DNAH6: variants seen among roughly 807,000 people sequenced by gnomAD.
The protein encoded by DNAH6 is axonemal beta dynein heavy chain 6.
Under a neutral mutation model 491.4 loss-of-function variants are expected in DNAH6, and 340 were observed. The observed-to-expected ratio is 0.69, with a 90% confidence interval of 0.63 to 0.76. DNAH6 has a LOEUF of 0.76. DNAH6 is among the 30% of genes least tolerant of loss of function. The pLI is 0.00. For synonymous variants in DNAH6, 1,603 were observed against 1,686.1 expected (o/e 0.95, Z 1.21); for missense variants, 4,443 against 4,972.2 (o/e 0.89, Z 3.20).
At chr2:84,572,916 TA>T (rs929280475) in intron 11 of DNAH6, among the ~76,000 whole-genome samples, 1 of 152,314 alleles carries the variant, frequency 6.6e-6, no homozygotes, top group South Asian at 2.1e-4. Flanking sequence ...TGTCTTGGTT[TA>T]AAAAAACTTT....
At chr2:84,571,511 A>G (rs1290598873) in intron 11 of DNAH6, among the ~76,000 whole-genome samples, 1 of 152,204 alleles carries the variant, frequency 6.6e-6, no homozygotes, top group Non-Finnish European at 1.5e-5. Context: ...TCTGAGTCTA[A>G]TCATGAGGAA....
Position 84,624,988 on chromosome 2 carries a change from G to A in DNAH6, c.4440G>A (p.Glu1480=). ...GTCCTGCTGGCACTGGGAAAACAGAGACTACCAAAGATCTGGCAAAAGCTC... is the reference window on the plus strand; with the variant it reads ...GTCCTGCTGGCACTGGGAAAACAGAAACTACCAAAGATCTGGCAAAAGCTC... ...PAGPAGTGKT[E]TTKDLAKALA... The change falls in exon 29 of 77, where the codon GAG becomes GAA. Residue 1480 remains glutamate (E), a synonymous_variant. Coordinates refer to ENST00000389394, the MANE Select transcript of DNAH6 (RefSeq NM_001370.2). 6.4e-7 allele frequency: 1 copy of A among 1,551,638 alleles called. No homozygotes were observed. The highest frequency in any genetic ancestry group is 8.7e-7 in the Non-Finnish European group (1 of 1,146,918).
At chr2:84,565,158 C>A (rs2126011) in intron 11 of DNAH6, among the ~76,000 whole-genome samples, 25,554 of 151,702 alleles carry the variant, frequency 0.17, 3,264 homozygotes, top group East Asian at 0.64. Flanking sequence ...TTTCTTTTTT[C>A]ATTGTGTCTC....
Position 84,694,464 on chromosome 2 carries a change from T to G in DNAH6, c.7508T>G (p.Leu2503Arg), listed in dbSNP as rs1324286216. The G allele has an allele frequency of 2.6e-6, 4 of 1,551,684 alleles. No individual in the cohort carries two copies. In the South Asian group the frequency reaches 3.6e-5, roughly 14 times the overall value. ...AGVEDKNMVF[L>R]FTDTQIVVEE... ...GTAGAAGACAAGAATATGGTTTTCC[T>G]TTTCACTGACACCCAGGTGTGTGTT... is the stretch of plus-strand genomic sequence containing the variant. Residue 2503 changes from leucine (L) to arginine (R), a missense_variant, in exon 46 of 77, where the codon CTT becomes CGT. This residue lies in a region of DNAH6 where 2,977 missense variants were observed against 3,296.6 expected (regional missense o/e 0.90). Coordinates refer to ENST00000389394, the MANE Select transcript of DNAH6 (RefSeq NM_001370.2).
At chr2:84,728,267 T>C (rs1467508032) in intron 61 of DNAH6, among the ~76,000 whole-genome samples, 2 of 152,232 alleles carry the variant, frequency 1.3e-5, no homozygotes, top group Non-Finnish European at 2.9e-5. Flanking sequence ...CAGTCTCAGC[T>C]ATGTCTTCAT....
Position 84,727,902 on chromosome 2 carries a change from G to C in DNAH6, c.10206G>C (p.Lys3402Asn). The part of the protein sequence containing the change: ...FFLRGSAGLE[K>N]ERPPKPEAPW... Reference sequence around the variant, plus strand: ...TCCGAGGTTCTGCAGGATTGGAAAAGGTACCTGATTCCCATTTAGGTGATG... The same window carrying C: ...TCCGAGGTTCTGCAGGATTGGAAAACGTACCTGATTCCCATTTAGGTGATG... The change falls in exon 61 of 77, where the codon AAG becomes AAC. Residue 3402 changes from lysine (K) to asparagine (N), a missense_variant and splice_region_variant. Physicochemically the swap from Lys to Asn is moderately conservative, Grantham distance 94 (BLOSUM62 0). This residue lies in a region of DNAH6 where 1,463 missense variants were observed against 1,656.6 expected (regional missense o/e 0.88). Coordinates refer to ENST00000389394, the MANE Select transcript of DNAH6 (RefSeq NM_001370.2). 6.5e-7 allele frequency: 1 copy of C among 1,534,884 alleles called. No homozygotes were observed. The highest frequency in any genetic ancestry group is 8.8e-7 in the Non-Finnish European group (1 of 1,131,486).
At chr2:84,530,303 G>A (rs1677040065) in intron 4 of DNAH6, among the ~76,000 whole-genome samples, 2 of 152,272 alleles carry the variant, frequency 1.3e-5, no homozygotes, top group South Asian at 4.1e-4. Context: ...ATTAACTGGG[G>A]TGGTCAGAGT....
chr2:84,759,494 G>A (rs924762394), intron 63 of DNAH6, among the ~76,000 whole-genome samples: 1 of 151,488 alleles, frequency 6.6e-6, no homozygotes, highest in African/African-American at 2.4e-5. Context: ...GGGCGACAGA[G>A]CAAGACTCTG....
rs115498222 is a variant in DNAH6 at position 84,708,834 on chromosome 2, C to T, written c.9049-509C>T. Among the ~76,000 whole-genome samples the T allele has an allele frequency of 5.1e-3, 784 of 152,280 alleles. 6 individuals carry two copies. Among genetic ancestry groups the T allele is most frequent in the African/African-American group, 0.018 (745 of 41,554 alleles). On this transcript the variant is annotated intron_variant, in intron 54 of 76. Transcript: ENST00000389394. ...CTCTCATATAGACTCTCCAGGAGCTCTAAGCTCTTAGGGTGCCATGTTTCT... is the reference window on the plus strand; with the variant it reads ...CTCTCATATAGACTCTCCAGGAGCTTTAAGCTCTTAGGGTGCCATGTTTCT...
intron 35 of DNAH6, among the ~76,000 whole-genome samples, chr2:84,656,408 A>G (rs556991420): frequency 6.6e-6 from 1 of 152,240 alleles, no homozygotes; most frequent in East Asian, 1.9e-4. Flanking sequence ...ATTCCCACCA[A>G]TAATGAATGA....
intron 66 of DNAH6, 43 bp from the exon 67 acceptor site, chr2:84,785,567 A>G: frequency 1.4e-6 from 2 of 1,469,214 alleles, no homozygotes; most frequent in Non-Finnish European, 1.8e-6. Flanking sequence ...ATGCAAATCT[A>G]TAAAATCACT....
intron 50 of DNAH6, 64 bp downstream of exon 50, chr2:84,703,626 T>G: frequency 7.7e-7 from 1 of 1,304,376 alleles, no homozygotes; most frequent in Non-Finnish European, 1.0e-6. Flanking sequence ...TTATATATAA[T>G]GAGACACGAT....
intron 22 of DNAH6, among the ~76,000 whole-genome samples, chr2:84,616,683 T>C (rs1364651414): frequency 6.6e-6 from 1 of 152,162 alleles, no homozygotes; most frequent in Non-Finnish European, 1.5e-5. Flanking sequence ...AATGTGATTG[T>C]AATTTTTCTA....
chr2:84,591,013 C>A (rs1684064325), intron 16 of DNAH6, among the ~76,000 whole-genome samples: 1 of 152,188 alleles, frequency 6.6e-6, no homozygotes, highest in Admixed American at 6.5e-5. Flanking sequence ...CCCCAAACCC[C>A]TGACTCAGTG....
At chr2:84,763,080 T>A (rs1177027389) in intron 64 of DNAH6, 135 bp downstream of exon 64, 2 of 671,984 alleles carry the variant, frequency 3.0e-6, no homozygotes, top group South Asian at 2.1e-5. Context: ...ATTTAAGATA[T>A]GTTAATAGTT....
At position 84,686,436 on chromosome 2, in the gene DNAH6, A is replaced by G. The variant is rs1462865771; in HGVS notation, c.7064-48A>G. The G allele has an allele frequency of 2.1e-5, 22 of 1,071,530 alleles. No homozygotes were observed. In the East Asian group the frequency reaches 5.0e-4, roughly 24 times the overall value. The allele number at this position is 1,071,530 out of a possible 1,614,324, so 66.4% of individuals were successfully genotyped here. A position where few individuals can be genotyped will look rare whatever the true frequency, so the allele number is the denominator to read the frequency against. On this transcript the variant is annotated intron_variant, in intron 43 of 76. Coordinates refer to ENST00000389394, the MANE Select transcript of DNAH6 (RefSeq NM_001370.2). ...ATATGTTTTATCACTAAAATATTCC[A>G]TTCAAGATTATCATTATATTTAAAA...
rs1259763827 is a variant in DNAH6, at chr2:84,762,755, G to A, written c.10513G>A (p.Val3505Met). The change falls in exon 64 of 77, where the codon GTG becomes ATG. Residue 3505 changes from valine (V) to methionine (M), a missense_variant and splice_region_variant. Physicochemically the swap from Val to Met is conservative, Grantham distance 21. Around this residue, in one of 3 missense-constraint regions of DNAH6, gnomAD observed 1,463 missense variants for 1,656.6 expected, o/e 0.88. Coordinates refer to ENST00000389394, the MANE Select transcript of DNAH6 (RefSeq NM_001370.2). ...ILIKCCKEEK[V>M]VFALTDFVIE... is the part of the protein sequence containing the mutation. ...CTTTTTTTTTCTTTTCAACTTTCAG[G>A]TGGTTTTTGCTCTTACAGACTTTGT... 3 of 1,536,054 alleles carry A rather than the reference G, an allele frequency of 2.0e-6. No homozygotes were observed. In the Admixed American group the frequency reaches 6.4e-5, roughly 33 times the overall value.
At chr2:84,718,150 C>A (rs551432004) in intron 58 of DNAH6, 54 bp from the exon 59 acceptor site, 156 of 1,386,388 alleles carry the variant, frequency 1.1e-4, no homozygotes, top group Admixed American at 8.8e-4. Context: ...AAAATAGAAG[C>A]AACTTTGAGG....
At chr2:84,684,329 T>C (rs1272097663) in intron 42 of DNAH6, among the ~76,000 whole-genome samples, 1 of 152,238 alleles carries the variant, frequency 6.6e-6, no homozygotes, top group Non-Finnish European at 1.5e-5. Flanking sequence ...TCTATTCCTA[T>C]TTTTAAGATA....
Sources: gnomAD v4.1 joint callset for allele counts (sites outside exome capture counted in the v4.1 genomes callset) on GRCh38, gnomAD v4.1.1 for gene constraint, gnomAD v4.1.1 regional missense constraint, MANE v1.5 for transcripts, NCBI Gene and HGNC (gene_info 2026-07-23, HGNC 2026-07-21) for gene names.